Variants in JAZF1 observed in about 807,000 individuals in gnomAD.
The protein encoded by JAZF1 is JAZF zinc finger 1, also known as juxtaposed with another zinc finger protein 1.
JAZF1 carries 8 observed loss-of-function variants against 26.4 expected under a neutral mutation model. The observed-to-expected ratio is 0.30, with a 90% confidence interval of 0.18 to 0.55. The LOEUF is 0.55. Ranked by LOEUF, JAZF1 falls within the 20% of genes least tolerant of loss-of-function variation. JAZF1 has a pLI of 0.94. For synonymous variants in JAZF1, 126 were observed against 122.3 expected (o/e 1.03, Z -0.20); for missense variants, 199 against 322.0 (o/e 0.62, Z 2.92).
At position 28,128,854 on chromosome 7, in the gene JAZF1, A is replaced by C. The variant is rs988968092; in HGVS notation, c.115+51609T>G. 6.6e-5 allele frequency among the ~76,000 whole-genome samples: 10 copies of C among 152,238 alleles called. 1 individual carries two copies. Among genetic ancestry groups the C allele is most frequent in the Non-Finnish European group, 1.3e-4 (9 of 68,032 alleles). ...ACATTCATGGTGTGAATTCTTTCAC[A>C]TAATGACTTCTTCAAAAGAATGTAC... On this transcript the variant is annotated intron_variant, in intron 1 of 4. Coordinates refer to ENST00000283928, the MANE Select transcript of JAZF1 (RefSeq NM_175061.4).
rs1782899621 is a variant in JAZF1 at position 27,840,388 on chromosome 7, G to A, written c.555+310C>T. ...ACATATTTGATATTCTGTTCTGATG[G>A]GTCCCCCAATATGACATGAATTTGA... On this transcript the variant is annotated intron_variant, in intron 4 of 4. Coordinates refer to ENST00000283928, the MANE Select transcript of JAZF1 (RefSeq NM_175061.4). The surrounding 1 kb of genome is among the most constrained non-coding windows in gnomAD (Gnocchi z 5.1). 6.6e-6 allele frequency among the ~76,000 whole-genome samples: 1 copy of A among 152,206 alleles called. No homozygotes were observed. Among genetic ancestry groups the A allele is most frequent in the Non-Finnish European group, 1.5e-5 (1 of 68,048 alleles).
In JAZF1 at chr7:28,095,953, T is replaced by C. The variant is rs543038596; in HGVS notation, c.115+84510A>G. On this transcript the variant is annotated intron_variant, in intron 1 of 4. Transcript: ENST00000283928. The stretch of plus-strand genomic sequence containing the variant: ...AGCTCTGGTGCTCCTCCTCTTCTTA[T>C]ACTAGCACTAGCCTTTACTGGGCCC... Among the ~76,000 whole-genome samples the C allele has an allele frequency of 2.5e-3, 388 of 152,346 alleles. 1 individual carries two copies. Among genetic ancestry groups the C allele is most frequent in the Non-Finnish European group, 4.2e-3 (288 of 68,024 alleles).
chr7:27,974,215 T>A (rs964540940), intron 2 of JAZF1, among the ~76,000 whole-genome samples: 7 of 151,914 alleles, frequency 4.6e-5, no homozygotes, highest in African/African-American at 1.5e-4. Context: ...AAATGGGGGC[T>A]GAAGGAAGCA....
At chr7:27,973,207 C>CA (rs1785410140) in intron 2 of JAZF1, among the ~76,000 whole-genome samples, 1 of 151,974 alleles carries the variant, frequency 6.6e-6, no homozygotes, top group Non-Finnish European at 1.5e-5. Flanking sequence ...TAGTCATAGC[C>CA]AAATGTGTTA....
intron 3 of JAZF1, among the ~76,000 whole-genome samples, chr7:27,869,732 G>T (rs1027870983): frequency 5.3e-5 from 8 of 152,088 alleles, no homozygotes; most frequent in Non-Finnish European, 7.4e-5. Flanking sequence ...ATAGAAACAC[G>T]GCAACAAAAG....
intron 1 of JAZF1, among the ~76,000 whole-genome samples, chr7:28,110,504 A>AGAGG (rs1784632649): frequency 3.8e-5 from 3 of 78,566 alleles, no homozygotes; most frequent in Non-Finnish European, 4.4e-5. Flanking sequence ...AAAGGAAAGG[A>AGAGG]AAAGGAAAGG....
At chr7:27,845,236 T>C (rs1782996534) in intron 3 of JAZF1, among the ~76,000 whole-genome samples, 2 of 152,194 alleles carry the variant, frequency 1.3e-5, no homozygotes, top group Admixed American at 1.3e-4. Flanking sequence ...AATCTACCCC[T>C]TTGGGGCCCA....
At chr7:27,844,258 C>T (rs962489878) in intron 3 of JAZF1, 4 of 152,234 alleles carry the variant, frequency 2.6e-5, no homozygotes, top group African/African-American at 9.6e-5. Flanking sequence ...AAGAAATACC[C>T]TAAAACTAAG....
intron 2 of JAZF1, among the ~76,000 whole-genome samples, chr7:27,982,355 A>G (rs565135672): frequency 3.5e-4 from 45 of 127,880 alleles, no homozygotes; most frequent in Middle Eastern, 4.0e-3. Context: ...ACTCACTGCT[A>G]GCACAGCCAT....
intron 1 of JAZF1, among the ~76,000 whole-genome samples, chr7:28,075,076 C>T (rs925755220): frequency 2.0e-5 from 3 of 152,140 alleles, no homozygotes; most frequent in African/African-American, 7.2e-5. Context: ...GGGCATGTCG[C>T]TAGAGCCAAG....
At chr7:28,048,972 C>CCCTTCCCTT (rs200476660) in intron 1 of JAZF1, among the ~76,000 whole-genome samples, 22,407 of 142,000 alleles carry the variant, frequency 0.16, 2,244 homozygotes, top group Non-Finnish European at 0.2. Flanking sequence ...TTTTCTTTCT[C>CCCTTCCCTT]CCTTCCCTTC....
intron 1 of JAZF1, among the ~76,000 whole-genome samples, chr7:28,039,492 C>T (rs1184814405): frequency 1.3e-5 from 2 of 152,210 alleles, no homozygotes; most frequent in Admixed American, 6.5e-5. Flanking sequence ...CCTCCCCTGC[C>T]CCATGCAAAT....
chr7:27,957,076 C>T (rs1382204501), intron 2 of JAZF1, among the ~76,000 whole-genome samples: 2 of 152,170 alleles, frequency 1.3e-5, no homozygotes, highest in African/African-American at 4.8e-5. Context: ...TTTTTCCCTC[C>T]CTTCCCCCAG....
chr7:27,930,767 A>G (rs974477468), intron 2 of JAZF1, among the ~76,000 whole-genome samples: 2 of 152,274 alleles, frequency 1.3e-5, no homozygotes, highest in East Asian at 3.9e-4. Context: ...AAGAAACTAT[A>G]TTTATATCTT....
intron 2 of JAZF1, among the ~76,000 whole-genome samples, chr7:27,951,649 A>C (rs1245112077): frequency 3.9e-5 from 6 of 152,224 alleles, no homozygotes. Flanking sequence ...TTAGGTCCTG[A>C]TGTTGGTGCT....
In JAZF1 at chr7:28,073,412, C is replaced by A. The variant is rs1238291972; in HGVS notation, c.116-81431G>T. 3.3e-5 allele frequency among the ~76,000 whole-genome samples: 5 copies of A among 152,114 alleles called. 1 individual carries two copies. The highest frequency in any genetic ancestry group is 1.3e-4 in the Admixed American group (2 of 15,258). On this transcript the variant is annotated intron_variant, in intron 1 of 4. Transcript: ENST00000283928. Reference sequence around the variant, plus strand: ...CCCCTCCCTTTCTCTCAGGCAAGGGCGCACCCAAGGACTGAAAATCAAAGC... The same window carrying A: ...CCCCTCCCTTTCTCTCAGGCAAGGGAGCACCCAAGGACTGAAAATCAAAGC...
chr7:28,053,882 ACCCCGAGCAGCTCTGCAT>A (rs1386164803), intron 1 of JAZF1, among the ~76,000 whole-genome samples: 1 of 152,042 alleles, frequency 6.6e-6, no homozygotes, highest in Admixed American at 6.6e-5. Flanking sequence ...CCCACCTCAC[ACCCCGAGCAGCTCTGCAT>A]CAATCTTTTT....
chr7:28,086,070 G>A (rs898163963), intron 1 of JAZF1, among the ~76,000 whole-genome samples: 3 of 152,186 alleles, frequency 2.0e-5, no homozygotes, highest in Non-Finnish European at 2.9e-5. Flanking sequence ...ATCAAATTGT[G>A]ATTAATTACC....
chr7:27,920,605 T>C (rs1313157351), intron 2 of JAZF1, among the ~76,000 whole-genome samples: 2 of 152,176 alleles, frequency 1.3e-5, no homozygotes, highest in Non-Finnish European at 2.9e-5. Flanking sequence ...TCTGCTAAGA[T>C]GGGATAAAAG....
Sources: allele counts gnomAD v4.1 joint callset (sites outside exome capture counted in the v4.1 genomes callset), GRCh38; gene constraint gnomAD v4.1.1; non-coding constraint Gnocchi (gnomAD v3.1); transcripts MANE v1.5; gene names NCBI Gene and HGNC (gene_info 2026-07-23, HGNC 2026-07-21).